The following SPAG9 variants were observed in gnomAD, a reference collection of about 807,000 sequenced individuals.
SPAG9 encodes the protein C-Jun-amino-terminal kinase-interacting protein 4.
In SPAG9, 35 loss-of-function variants were observed where a neutral mutation model predicts 166.5. The ratio of observed to expected loss-of-function variants is 0.21; its 90% CI spans 0.16 to 0.28. SPAG9 has a LOEUF of 0.28. SPAG9 is among the 10% of genes least tolerant of loss of function. The pLI, the probability that SPAG9 is intolerant of heterozygous loss-of-function variation, is 1.00. For missense variants in SPAG9, 1,235 were observed against 1,603.3 expected, an observed-to-expected ratio of 0.77 and a Z score of 3.92; for synonymous variants, 534 against 565.5, an observed-to-expected ratio of 0.94 and a Z score of 0.79.
intron 2 of SPAG9, 139 bp downstream of exon 2, chr17:51,079,445 A>C: frequency 1.5e-6 from 1 of 655,808 alleles, no homozygotes. Flanking sequence ...CACCATGTTG[A>C]CCAGGCTGGT....
At chr17:51,037,774 C>A (rs2046676856) in intron 5 of SPAG9, among the ~76,000 whole-genome samples, 1 of 148,582 alleles carries the variant, frequency 6.7e-6, no homozygotes, top group Non-Finnish European at 1.5e-5. Flanking sequence ...CTACGTTGCC[C>A]AGGCTGGTTT....
chr17:51,062,568 T>A (rs1264780537), intron 2 of SPAG9, among the ~76,000 whole-genome samples: 1 of 152,144 alleles, frequency 6.6e-6, no homozygotes, highest in Non-Finnish European at 1.5e-5. Flanking sequence ...CTTAGTAATA[T>A]GCATTTGAGG....
intron 29 of SPAG9, among the ~76,000 whole-genome samples, chr17:50,968,043 A>G (rs990558263): frequency 6.6e-6 from 1 of 152,210 alleles, no homozygotes; most frequent in Non-Finnish European, 1.5e-5. Context: ...CTGCACTCCA[A>G]CACAAAGTTA....
chr17:51,041,709 A>G, intron 4 of SPAG9, 58 bp from the exon 5 acceptor site: 4 of 1,544,432 alleles, frequency 2.6e-6, no homozygotes, highest in Non-Finnish European at 3.6e-6. Flanking sequence ...TTTATTTGCC[A>G]TGACTATAAG....
chr17:50,980,272 C>A (rs1402645297), intron 25 of SPAG9, among the ~76,000 whole-genome samples: 1 of 152,002 alleles, frequency 6.6e-6, no homozygotes, highest in Admixed American at 6.6e-5. Context: ...ATGGCGCAAT[C>A]TCGGCTCACT....
chr17:50,970,656 C>T (rs1296990983), intron 29 of SPAG9, 51 bp downstream of exon 29: 1 of 1,482,986 alleles, frequency 6.7e-7, no homozygotes, highest in Non-Finnish European at 9.1e-7. Flanking sequence ...TGGGACAAAA[C>T]CCAAGTCATA....
chr17:51,119,021 G>A (rs2049386435), intron 1 of SPAG9, among the ~76,000 whole-genome samples: 1 of 124,110 alleles, frequency 8.1e-6, no homozygotes, highest in Non-Finnish European at 1.6e-5. Flanking sequence ...GCGACAGAGT[G>A]AGACTACGTC....
At chr17:51,067,714 A>T (rs2047712472) in intron 2 of SPAG9, among the ~76,000 whole-genome samples, 1 of 152,172 alleles carries the variant, frequency 6.6e-6, no homozygotes, top group Non-Finnish European at 1.5e-5. Flanking sequence ...GGAGTAAAAA[A>T]AAAAAGGCAA....
intron 14 of SPAG9, 105 bp downstream of exon 14, chr17:50,999,556 A>T (rs2044836983): frequency 6.8e-7 from 1 of 1,469,392 alleles, no homozygotes; most frequent in African/African-American, 1.4e-5. Flanking sequence ...TAAAAAAAAA[A>T]AATGAAGGAA....
intron 1 of SPAG9, among the ~76,000 whole-genome samples, chr17:51,095,753 T>C (rs2048598435): frequency 1.4e-5 from 2 of 147,558 alleles, no homozygotes; most frequent in South Asian, 2.1e-4. Context: ...GTGATATATA[T>C]ATAGTGATAT....
rs778463384 is a variant in SPAG9, at chr17:50,974,900, G to A, written c.3571C>T (p.Arg1191Cys). 1.5e-5 allele frequency: 24 copies of A among 1,610,766 alleles called. No homozygotes were observed. Among genetic ancestry groups the A allele is most frequent in the African/African-American group, 2.7e-5 (2 of 74,646 alleles). The change falls in exon 28 of 30, where the codon CGT (arginine) becomes TGT (cysteine). Residue 1191 changes from arginine to cysteine, a missense_variant. Coordinates refer to ENST00000262013, the MANE Select transcript of SPAG9 (RefSeq NM_001130528.3). ...VPGNRPGSVIRVYGDENSDKV... is the reference protein window; with the variant it reads ...VPGNRPGSVICVYGDENSDKV... ...TCACTGTTTTCATCACCATATACACGGATTACACTTCCAGGACGATTTCCT... is the reference window on the plus strand; with the variant it reads ...TCACTGTTTTCATCACCATATACACAGATTACACTTCCAGGACGATTTCCT...
At chr17:51,035,101 G>A (rs1234742497) in intron 5 of SPAG9, among the ~76,000 whole-genome samples, 2 of 152,216 alleles carry the variant, frequency 1.3e-5, no homozygotes, top group African/African-American at 4.8e-5. Context: ...CCTGAGGCCA[G>A]GAGTTTGAGA....
chr17:50,966,235 G>A lies in SPAG9; in HGVS notation c.*37C>T, dbSNP rs367859497. On this transcript the variant is annotated 3_prime_UTR_variant, in exon 30 of 30. Transcript: ENST00000262013. ...TAGAGGGAAAATAAACCATGCAGAA[G>A]AGACGGCTTCCCCATCTCCACCTGT... 1 of 1,215,636 alleles carries A rather than the reference G, an allele frequency of 8.2e-7. No homozygotes were observed. The highest frequency in any genetic ancestry group is 1.2e-6 in the Non-Finnish European group (1 of 816,920). 75.3% of individuals were successfully genotyped at this position (1,215,636 alleles called of 1,614,324 possible). A position where few individuals can be genotyped will look rare whatever the true frequency, so the allele number is the denominator to read the frequency against.
Position 51,059,425 on chromosome 17 carries a change from G to A in SPAG9, c.425-2943C>T, listed in dbSNP as rs899079748. Among the ~76,000 whole-genome samples, 3 of 152,038 alleles carry A rather than the reference G, an allele frequency of 2.0e-5. No individual in the cohort carries two copies. The East Asian group carries it at 5.8e-4, about 29-fold the overall frequency. On this transcript the variant is annotated intron_variant, in intron 2 of 29. Transcript: ENST00000262013. Reference sequence around the variant, plus strand: ...ACAAACAAGCTTTATTGCTCTGACTGTAGCATTCTCAGGGAGAGAACAAAA... The same window carrying A: ...ACAAACAAGCTTTATTGCTCTGACTATAGCATTCTCAGGGAGAGAACAAAA...
At chr17:51,006,273 T>A in intron 10 of SPAG9, 36 bp from the exon 11 acceptor site, 1 of 1,594,052 alleles carries the variant, frequency 6.3e-7, no homozygotes. Flanking sequence ...TCATTACAAA[T>A]AAATATTCTT....
At chr17:51,088,136 T>A (rs1008756830) in intron 1 of SPAG9, among the ~76,000 whole-genome samples, 6 of 152,064 alleles carry the variant, frequency 3.9e-5, no homozygotes, top group Admixed American at 6.6e-5. Context: ...CTAACTGAGA[T>A]AACAAAAATA....
At chr17:51,020,116 G>T in intron 8 of SPAG9, 43 bp downstream of exon 8, 2 of 1,162,186 alleles carry the variant, frequency 1.7e-6, no homozygotes, top group Non-Finnish European at 2.6e-6. Context: ...GGGAGTTGGG[G>T]GTGGGGGGCG....
At chr17:51,034,408 G>A (rs1238016106) in intron 5 of SPAG9, among the ~76,000 whole-genome samples, 2 of 152,134 alleles carry the variant, frequency 1.3e-5, no homozygotes, top group South Asian at 4.1e-4. Flanking sequence ...GAGTGGGGCA[G>A]GGAAAATACA....
At position 51,120,412 on chromosome 17, in the gene SPAG9, T is replaced by G; in HGVS notation, c.245A>C (p.Asn82Thr). The G allele has an allele frequency of 6.2e-7, 1 of 1,612,302 alleles. No homozygotes were observed. The highest frequency in any genetic ancestry group is 8.5e-7 in the Non-Finnish European group (1 of 1,179,284). The change falls in exon 1 of 30, where the codon AAC (asparagine) becomes ACC (threonine). Residue 82 changes from asparagine (N) to threonine (T), a missense_variant. By Grantham distance (65) the Asn-to-Thr change is moderately conservative. Coordinates refer to ENST00000262013, the MANE Select transcript of SPAG9 (RefSeq NM_001130528.3). This position sits in a 1 kb window ranked among gnomAD's most constrained non-coding sequence, Gnocchi z 4.7. ...QVELELLRDD[N>T]EQLITQYERE... ...CTCGTACTGGGTGATGAGCTGCTCG[T>G]TGTCGTCCCGCAGCAGCTCCAGCTC... is the stretch of plus-strand genomic sequence containing the variant.
Sources: allele counts gnomAD v4.1 joint callset (sites outside exome capture counted in the v4.1 genomes callset), GRCh38; gene constraint gnomAD v4.1.1; non-coding constraint Gnocchi (gnomAD v3.1); transcripts MANE v1.5; gene names NCBI Gene and HGNC (gene_info 2026-07-23, HGNC 2026-07-21).